Variants in LAIR1 observed in about 807,000 individuals in gnomAD.
LAIR1 encodes the protein leukocyte associated immunoglobulin like receptor 1, also known as leukocyte-associated immunoglobulin-like receptor 1.
LAIR1 carries 24 observed loss-of-function variants against 32.8 expected under a neutral mutation model. That is an observed-to-expected ratio of 0.73 (90% CI 0.53 to 1.03). The LOEUF is 1.03. Among genes scored for constraint, LAIR1 ranks in the 50% least tolerant of loss-of-function variants. The pLI is 0.00. For synonymous variants in LAIR1, 150 were observed against 140.5 expected (o/e 1.07, Z -0.48); for missense variants, 355 against 347.5 (o/e 1.02, Z -0.17).
At chr19:54,360,823 A>G in intron 3 of LAIR1, 93 bp downstream of exon 3, 4 of 1,306,222 alleles carry the variant, frequency 3.1e-6, no homozygotes, top group Non-Finnish European at 4.3e-6. Flanking sequence ...AAGGTTGGCC[A>G]CAGAGGACAG....
At chr19:54,373,197 C>G (rs1373673915), upstream of LAIR1, among the ~76,000 whole-genome samples, 1 of 150,828 alleles carries the variant, frequency 6.6e-6, no homozygotes, top group Admixed American at 6.6e-5. Flanking sequence ...AATCCCAGCA[C>G]TTTGGGAGGC....
chr19:54,356,445 C>T (rs763674482), intron 6 of LAIR1, 46 bp downstream of exon 6: 74 of 1,612,008 alleles, frequency 4.6e-5, no homozygotes, highest in Non-Finnish European at 4.7e-5. Flanking sequence ...TTCCTAGCCT[C>T]TCCTGACAGC....
At chr19:54,360,823 A>T in intron 3 of LAIR1, 93 bp downstream of exon 3, 2 of 1,306,218 alleles carry the variant, frequency 1.5e-6, no homozygotes, top group Non-Finnish European at 2.1e-6. Flanking sequence ...AAGGTTGGCC[A>T]CAGAGGACAG....
At chr19:54,367,930 G>A (rs1264914753), upstream of LAIR1, among the ~76,000 whole-genome samples, 4 of 149,878 alleles carry the variant, frequency 2.7e-5, no homozygotes, top group Non-Finnish European at 4.5e-5. Context: ...CCGCCACCAC[G>A]CCCGGCTAAT....
At chr19:54,371,444 G>C (rs1474249749), upstream of LAIR1, among the ~76,000 whole-genome samples, 1 of 151,098 alleles carries the variant, frequency 6.6e-6, no homozygotes, top group Non-Finnish European at 1.5e-5. Flanking sequence ...GATTATAAGG[G>C]TGTGACCCCA....
chr19:54,355,219 C>T lies in LAIR1; in HGVS notation c.*49G>A, dbSNP rs186759639. The T allele has an allele frequency of 1.0e-3, 1,504 of 1,494,418 alleles. 9 individuals are homozygous for T. Among genetic ancestry groups the T allele is most frequent in the South Asian group, 8.4e-3 (635 of 75,950 alleles). 92.6% of individuals were successfully genotyped at this position (1,494,418 alleles called of 1,614,324 possible). A position where few individuals can be genotyped will look rare whatever the true frequency, so the allele number is the denominator to read the frequency against. ...TTCCAAATGGCTGCTTCAGGCTTTTCCTAGAGTGACTTTCTACCCTCAGGT... is the reference window on the plus strand; with the variant it reads ...TTCCAAATGGCTGCTTCAGGCTTTTTCTAGAGTGACTTTCTACCCTCAGGT... On this transcript the variant is annotated 3_prime_UTR_variant, in exon 10 of 10. Transcript: ENST00000391742. The surrounding 1 kb of genome is among the most constrained non-coding windows in gnomAD (Gnocchi z 4.7).
At chr19:54,375,948 C>T in the LAIR1 span, among the ~76,000 whole-genome samples, 2 of 151,686 alleles carry the variant, frequency 1.3e-5, no homozygotes, top group African/African-American at 2.4e-5. Context: ...CTGGGTGACA[C>T]GTCCATATGG....
At position 54,351,792 on chromosome 19, in the gene LAIR1, T is replaced by C. The variant is rs1360829239; in HGVS notation, c.*3476A>G. The C allele has an allele frequency of 6.6e-6, 1 of 152,080 alleles. No homozygotes were observed. The highest frequency in any genetic ancestry group is 3.4e-3 in the Middle Eastern group (1 of 294). 9.4% of individuals were successfully genotyped at this position (152,080 alleles called of 1,614,324 possible). On this transcript the variant is annotated 3_prime_UTR_variant, in exon 10 of 10. Coordinates refer to ENST00000391742, the MANE Select transcript of LAIR1 (RefSeq NM_002287.6). ...TATGACAGAGAAGGTAGACGAGGTG[T>C]TGGGCAGCCCTGGACACCCTCAGAA...
chr19:54,367,724 T>C (rs1343959909), upstream of LAIR1, among the ~76,000 whole-genome samples: 5 of 150,644 alleles, frequency 3.3e-5, no homozygotes, highest in South Asian at 2.1e-4. Flanking sequence ...CCAGCCTGGG[T>C]GACAGAGCCA....
At position 54,364,252 on chromosome 19, in the gene LAIR1, G is replaced by GA. The variant is rs1187971580; in HGVS notation, c.70+42_70+43insT. On this transcript the variant is annotated intron_variant, in intron 2 of 9. Transcript: ENST00000391742. The surrounding 1 kb of genome is among the most constrained non-coding windows in gnomAD (Gnocchi z 4.8). ...ACTCCCACCCAGCACTGCCCTTGGGGTGACAGAGGGGACTGGGAAGATGGG... is the reference window on the plus strand; with the variant it reads ...ACTCCCACCCAGCACTGCCCTTGGGGATGACAGAGGGGACTGGGAAGATGGG... 6.3e-7 allele frequency: 1 copy of GA among 1,593,802 alleles called. No individual in the cohort carries two copies. Among genetic ancestry groups the GA allele is most frequent in the South Asian group, 1.1e-5 (1 of 90,614 alleles).
At chr19:54,363,107 C>T (rs1183443792) in intron 2 of LAIR1, among the ~76,000 whole-genome samples, 1 of 151,796 alleles carries the variant, frequency 6.6e-6, no homozygotes, top group Admixed American at 6.6e-5. Context: ...GTACAATGGT[C>T]ATGGTTGTGC....
Position 54,353,735 on chromosome 19 carries a change from T to C in LAIR1, c.*1533A>G, listed in dbSNP as rs967376970. ...GCTGAATTCTTAAAAATCTTTCTTT[T>C]CTTTTCTTTTCTTTTTTGACGGAGT... On this transcript the variant is annotated 3_prime_UTR_variant, in exon 10 of 10. Coordinates refer to ENST00000391742, the MANE Select transcript of LAIR1 (RefSeq NM_002287.6). 1 of 151,260 alleles carries C rather than the reference T, an allele frequency of 6.6e-6. No homozygotes were observed. The highest frequency in any genetic ancestry group is 2.5e-5 in the African/African-American group (1 of 40,626). 9.4% of individuals were successfully genotyped at this position (151,260 alleles called of 1,614,324 possible). A position where few individuals can be genotyped will look rare whatever the true frequency, so the allele number is the denominator to read the frequency against.
upstream of LAIR1, among the ~76,000 whole-genome samples, chr19:54,367,386 A>G (rs113115956): frequency 0.017 from 2,535 of 152,312 alleles, 76 homozygotes; most frequent in African/African-American, 0.057. Flanking sequence ...CTGTGAGTCC[A>G]TAAGACAGCA....
Position 54,364,135 on chromosome 19 carries a change from G to T in LAIR1, c.70+160C>A, listed in dbSNP as rs1038656304. Among the ~76,000 whole-genome samples the T allele has an allele frequency of 6.6e-6, 1 of 152,094 alleles. No homozygotes were observed. The highest frequency in any genetic ancestry group is 1.5e-5 in the Non-Finnish European group (1 of 68,016). ...GGTGGAGGATGCGAGAGAGAACTGG[G>T]TGAGGGTTGGTTATGCATTTTACAT... On this transcript the variant is annotated intron_variant, in intron 2 of 9. Transcript: ENST00000391742. The surrounding 1 kb of genome is among the most constrained non-coding windows in gnomAD (Gnocchi z 4.8).
intron 4 of LAIR1, chr19:54,358,180 T>G (rs1441114431): frequency 4.2e-5 from 6 of 143,562 alleles, no homozygotes; most frequent in African/African-American, 1.3e-4. Flanking sequence ...TATAAAATAT[T>G]TTTTCTATTA....
At chr19:54,365,438 T>C (rs978548785), upstream of LAIR1, among the ~76,000 whole-genome samples, 4 of 152,088 alleles carry the variant, frequency 2.6e-5, no homozygotes, top group African/African-American at 9.7e-5. Context: ...GGGAGGTTCC[T>C]CAAAAAATTA....
rs202165854 is a variant in LAIR1, at chr19:54,364,731, C to A, written c.34+40G>T. On this transcript the variant is annotated intron_variant, in intron 1 of 9. Coordinates refer to ENST00000391742, the MANE Select transcript of LAIR1 (RefSeq NM_002287.6). This position sits in a 1 kb window ranked among gnomAD's most constrained non-coding sequence, Gnocchi z 4.8. Reference sequence around the variant, plus strand: ...TGAGCAGGGAATTTTCCAGACCTCCCGACCCCCTTTCCAGCCTCCCGGCTG... The same window carrying A: ...TGAGCAGGGAATTTTCCAGACCTCCAGACCCCCTTTCCAGCCTCCCGGCTG... 6.4e-7 allele frequency: 1 copy of A among 1,559,702 alleles called. No individual in the cohort carries two copies. The highest frequency in any genetic ancestry group is 2.2e-5 in the East Asian group (1 of 44,598).
chr19:54,366,620 C>A (rs1480371799), upstream of LAIR1, among the ~76,000 whole-genome samples: 3 of 152,106 alleles, frequency 2.0e-5, no homozygotes, highest in African/African-American at 7.2e-5. Context: ...TCCCGATTAG[C>A]TGGGACTACA....
At chr19:54,373,701 G>A (rs1489649920), upstream of LAIR1, among the ~76,000 whole-genome samples, 1 of 152,176 alleles carries the variant, frequency 6.6e-6, no homozygotes, top group Non-Finnish European at 1.5e-5. Context: ...GGGAGACAGA[G>A]GTTGCAGTGA....
Sources: allele counts gnomAD v4.1 joint callset (sites outside exome capture counted in the v4.1 genomes callset), GRCh38; gene constraint gnomAD v4.1.1; non-coding constraint Gnocchi (gnomAD v3.1); transcripts MANE v1.5; gene names NCBI Gene and HGNC (gene_info 2026-07-23, HGNC 2026-07-21).